The following KRTCAP2 variants were observed in gnomAD, a reference collection of about 807,000 sequenced individuals.
The protein encoded by KRTCAP2 is dolichyl-diphosphooligosaccharide--protein glycosyltransferase subunit KCP2.
Under a neutral mutation model 16.5 loss-of-function variants are expected in KRTCAP2, and 10 were observed. The observed-to-expected ratio is 0.60, with a 90% CI of 0.37 to 1.02. KRTCAP2 has a LOEUF of 1.02. KRTCAP2 is among the 50% of genes least tolerant of loss of function. The pLI is 0.01. For synonymous variants in KRTCAP2, 68 were observed against 69.8 expected (o/e 0.97, Z 0.13); for missense variants, 152 against 159.6 (o/e 0.95, Z 0.26).
In KRTCAP2 at chr1:155,173,233, G is replaced by A. The variant is rs763679588; in HGVS notation, c.-9C>T. 1.9e-6 allele frequency: 3 copies of A among 1,613,822 alleles called. No homozygotes were observed. Among genetic ancestry groups the A allele is most frequent in the Non-Finnish European group, 8.5e-7 (1 of 1,179,962 alleles). On this transcript the variant is annotated 5_prime_UTR_variant, in exon 1 of 5. Transcript: ENST00000295682. ...CCGGTCCTGTTACCCATCATGCCCC[G>A]CCCGTGAGTCCAACCGGCGCCTCTG...
intron 3 of KRTCAP2, chr1:155,171,824 G>A (rs4971093): frequency 0.37 from 334,586 of 900,066 alleles, 64,945 homozygotes; most frequent in East Asian, 0.76. Flanking sequence ...CTCCAGCCTA[G>A]GCGACAGAGT....
intron 4 of KRTCAP2, 112 bp downstream of exon 4, chr1:155,169,679 G>A: frequency 1.4e-6 from 2 of 1,385,750 alleles, no homozygotes; most frequent in Non-Finnish European, 2.0e-6. Context: ...AAACGGGGAG[G>A]GAGAACAGAG....
chr1:155,169,537 A>T lies in KRTCAP2; in HGVS notation c.314T>A (p.Leu105Gln). Residue 105 changes from leucine to glutamine, a missense_variant, in exon 5 of 5, where the codon CTG becomes CAG. Transcript: ENST00000295682. ...TTCFIFSMVG[L>Q]YYINKISSTL... Reference sequence around the variant, plus strand: ...GGAGGAGATCTTGTTGATGTAGTACAGACCAACCATGGAGAAGATGAAGCT... The same window carrying T: ...GGAGGAGATCTTGTTGATGTAGTACTGACCAACCATGGAGAAGATGAAGCT... 1.9e-6 allele frequency: 3 copies of T among 1,614,124 alleles called. No individual in the cohort carries two copies. The highest frequency in any genetic ancestry group is 2.5e-6 in the Non-Finnish European group (3 of 1,179,978).
chr1:155,172,017 T>C (rs867030269), intron 3 of KRTCAP2: 10 of 990,054 alleles, frequency 1.0e-5, no homozygotes, highest in Middle Eastern at 1.0e-3. Flanking sequence ...AACTTAATTC[T>C]CCATAAATAA....
At position 155,170,864 on chromosome 1, in the gene KRTCAP2, AG is replaced by A. The variant is rs1665216850; in HGVS notation, c.224-1008del. ...CACTCTGTCGCCCAGGCTGGAGTGC[AG>A]TGGTGCAGTTTCAGCTCACTGCAGC... is the stretch of plus-strand genomic sequence containing the variant. On this transcript the variant is annotated intron_variant, in intron 3 of 4. Transcript: ENST00000295682. The A allele has an allele frequency of 2.0e-5, 3 of 152,020 alleles. No homozygotes were observed. In the East Asian group the frequency reaches 5.8e-4, roughly 29 times the overall value. 9.4% of individuals were successfully genotyped at this position (152,020 alleles called of 1,614,324 possible).
chr1:155,172,547 G>A lies in KRTCAP2; in HGVS notation c.223+18C>T. On this transcript the variant is annotated intron_variant, in intron 3 of 4. Coordinates refer to ENST00000295682, the MANE Select transcript of KRTCAP2 (RefSeq NM_173852.4). ...AAGAGGAGAAAGTTCAAATACTCAA[G>A]CTCCAATATTCACTTACTCTCAGGG... 1.2e-6 allele frequency: 2 copies of A among 1,614,214 alleles called. No homozygotes were observed. The highest frequency in any genetic ancestry group is 2.2e-5 in the South Asian group (2 of 91,086).
chr1:155,169,957 G>A (rs1443864578), intron 3 of KRTCAP2, 100 bp from the exon 4 acceptor site: 4 of 765,084 alleles, frequency 5.2e-6, no homozygotes, highest in African/African-American at 1.7e-5. Context: ...CTGAATCCTG[G>A]GGAACCTGCT....
intron 1 of KRTCAP2, 160 bp downstream of exon 1, chr1:155,173,060 TC>T: frequency 2.2e-6 from 2 of 925,732 alleles, no homozygotes; most frequent in Non-Finnish European, 3.3e-6. Context: ...CCCTACGTAT[TC>T]CCCAGCCCCG....
chr1:155,171,418 C>CA (rs57841755), intron 3 of KRTCAP2: 125,629 of 803,060 alleles, frequency 0.16, 1,818 homozygotes, highest in African/African-American at 0.34. Context: ...GACTCCATCT[C>CA]AAAAAAAAAA....
chr1:155,169,939 G>A (rs537878283), intron 3 of KRTCAP2, 82 bp from the exon 4 acceptor site: 114 of 913,438 alleles, frequency 1.2e-4, no homozygotes, highest in South Asian at 2.3e-4. Context: ...GGAGAAATCC[G>A]GGGCTCTCTG....
At position 155,172,894 on chromosome 1, in the gene KRTCAP2, T is replaced by C. The variant is rs889143108; in HGVS notation, c.5-2A>G. The C allele has an allele frequency of 1.3e-5, 21 of 1,613,552 alleles. No homozygotes were observed. Among genetic ancestry groups the C allele is most frequent in the Non-Finnish European group, 1.8e-5 (21 of 1,179,846 alleles). ...CCAGCGAGGTGCCCGTACCCACCACTGGAGGGGATGGGAGAAGGGACGGAG... is the reference window on the plus strand; with the variant it reads ...CCAGCGAGGTGCCCGTACCCACCACCGGAGGGGATGGGAGAAGGGACGGAG... On this transcript the variant is annotated splice_acceptor_variant, in intron 1 of 4. Coordinates refer to ENST00000295682, the MANE Select transcript of KRTCAP2 (RefSeq NM_173852.4). LOFTEE classifies it high-confidence loss of function.
chr1:155,169,700 G>T, intron 4 of KRTCAP2, 91 bp downstream of exon 4: 2 of 1,352,192 alleles, frequency 1.5e-6, no homozygotes, highest in Non-Finnish European at 2.1e-6. Flanking sequence ...AGAGAGGTAG[G>T]TGTGGAAGGA....
At position 155,172,871 on chromosome 1, in the gene KRTCAP2, A is replaced by AGCGAGGTGCCCGTAC; in HGVS notation, c.11_25dup (p.Ser8_Leu9insArgThrGlyThrSer). The stretch of plus-strand genomic sequence containing the variant: ...CAGGGACAGGAGGGAGGAGAGCGCC[A>AGCGAGGTGCCCGTAC]GCGAGGTGCCCGTACCCACCACTGG... On this transcript the variant is annotated inframe_insertion, in exon 2 of 5. Coordinates refer to ENST00000295682, the MANE Select transcript of KRTCAP2 (RefSeq NM_173852.4). The AGCGAGGTGCCCGTAC allele has an allele frequency of 6.2e-7, 1 of 1,614,092 alleles. No individual in the cohort carries two copies. The highest frequency in any genetic ancestry group is 8.5e-7 in the Non-Finnish European group (1 of 1,180,018).
intron 3 of KRTCAP2, chr1:155,171,535 C>G (rs142697167): frequency 6.1e-6 from 6 of 984,978 alleles, no homozygotes; most frequent in Non-Finnish European, 7.2e-6. Context: ...AAGGGCTATG[C>G]GGAGAAAGCA....
intron 1 of KRTCAP2, 42 bp downstream of exon 1, chr1:155,173,179 A>T (rs1665331810): frequency 6.5e-7 from 1 of 1,533,694 alleles, no homozygotes; most frequent in African/African-American, 1.4e-5. Flanking sequence ...CCAAACCCCG[A>T]CCCCCTCTAG....
chr1:155,171,679 G>T, intron 3 of KRTCAP2: 1 of 680,532 alleles, frequency 1.5e-6, no homozygotes, highest in Non-Finnish European at 1.8e-6. Context: ...GCAATGTGGT[G>T]AAACCCCATC....
chr1:155,173,179 A>AC lies in KRTCAP2; in HGVS notation c.4+41dup, dbSNP rs372171451. ...GGAAAGCTTGTCCACCCAAACCCCG[A>AC]CCCCCTCTAGGACTTCCTGGGGACC... is the stretch of plus-strand genomic sequence containing the variant. On this transcript the variant is annotated intron_variant, in intron 1 of 4. Transcript: ENST00000295682. 22 of 1,533,698 alleles carry AC rather than the reference A, an allele frequency of 1.4e-5. No homozygotes were observed. The African/African-American group carries it at 2.8e-4, about 19-fold the overall frequency.
chr1:155,170,064 G>A (rs756083706), intron 3 of KRTCAP2: 7 of 483,018 alleles, frequency 1.4e-5, no homozygotes, highest in Non-Finnish European at 2.7e-5. Flanking sequence ...CTTGCACCTG[G>A]AATCCCAGCA....
At chr1:155,172,459 A>G (rs1170720477) in intron 3 of KRTCAP2, 106 bp downstream of exon 3, 1 of 1,588,312 alleles carries the variant, frequency 6.3e-7, no homozygotes, top group African/African-American at 1.4e-5. Flanking sequence ...CAGTAAATAT[A>G]TTTCTCCTTA....
Sources: gnomAD v4.1 joint callset for allele counts on GRCh38, gnomAD v4.1.1 for gene constraint, MANE v1.5 for transcripts, NCBI Gene and HGNC (gene_info 2026-07-23, HGNC 2026-07-21) for gene names.